Variants in FNDC3A observed in about 807,000 individuals in gnomAD.
FNDC3A encodes fibronectin type III domain containing 3A, also known as fibronectin type-III domain-containing protein 3A.
FNDC3A carries 32 observed loss-of-function variants against 148.9 expected under a neutral mutation model. The observed-to-expected ratio is 0.21, with a 90% CI of 0.16 to 0.29. FNDC3A has a LOEUF of 0.29. Among genes scored for constraint, FNDC3A ranks in the 10% least tolerant of loss-of-function variants. The pLI, the probability that FNDC3A is intolerant of heterozygous loss-of-function variation, is 1.00. For missense variants in FNDC3A, 1,191 were observed against 1,452.8 expected (o/e 0.82, Z 2.93); for synonymous variants, 472 against 473.6 (o/e 1.00, Z 0.04).
Position 49,145,934 on chromosome 13 carries a change from G to C in FNDC3A, c.976G>C (p.Val326Leu). 3.1e-6 allele frequency: 5 copies of C among 1,604,006 alleles called. No individual in the cohort carries two copies. Among genetic ancestry groups the C allele is most frequent in the Non-Finnish European group, 4.3e-6 (5 of 1,175,618 alleles). Residue 326 changes from valine to leucine, a missense_variant and splice_region_variant, in exon 8 of 26, where the codon GTA becomes CTA. Coordinates refer to ENST00000492622, the MANE Select transcript of FNDC3A (RefSeq NM_001079673.2). ...AGATGGGAAATACAAAAGTGTATATGTGTAGGTATTTGTTGTTTTGCTTTC... is the reference window on the plus strand; with the variant it reads ...AGATGGGAAATACAAAAGTGTATATCTGTAGGTATTTGTTGTTTTGCTTTC... ...GKDGKYKSVY[V>L]GEETNITLND...
intron 23 of FNDC3A, among the ~76,000 whole-genome samples, chr13:49,199,174 C>A (rs1886302962): frequency 6.6e-6 from 1 of 152,066 alleles, no homozygotes; most frequent in Admixed American, 6.5e-5. Context: ...GCGTGGGCCA[C>A]TACACCTGGC....
intron 2 of FNDC3A, among the ~76,000 whole-genome samples, chr13:49,070,214 C>T (rs1454676648): frequency 1.3e-5 from 2 of 152,004 alleles, no homozygotes; most frequent in African/African-American, 2.4e-5. Context: ...TCACTGCAAC[C>T]TCCGCCTCCT....
chr13:49,138,706 A>C, intron 6 of FNDC3A, 41 bp from the exon 7 acceptor site: 2 of 994,806 alleles, frequency 2.0e-6, no homozygotes, highest in South Asian at 3.3e-5. Flanking sequence ...ATTGTATCTA[A>C]GTTCTTTTTT....
chr13:49,164,602 A>C (rs904639638), intron 8 of FNDC3A, among the ~76,000 whole-genome samples: 4 of 150,616 alleles, frequency 2.7e-5, no homozygotes, highest in South Asian at 2.1e-4. Context: ...ATTCATTTTT[A>C]TTCTTCTTCT....
At chr13:49,173,094 C>T (rs928594437) in intron 11 of FNDC3A, among the ~76,000 whole-genome samples, 8 of 152,314 alleles carry the variant, frequency 5.3e-5, no homozygotes, top group Admixed American at 4.6e-4. Context: ...CAAAGCTGTC[C>T]TGGGCCGCAT....
At chr13:49,122,617 A>G (rs1446527226) in intron 4 of FNDC3A, among the ~76,000 whole-genome samples, 1 of 152,188 alleles carries the variant, frequency 6.6e-6, no homozygotes. Context: ...TCAGCCCAAA[A>G]TCTCCTTAAG....
chr13:49,197,141 T>C, intron 20 of FNDC3A, 151 bp downstream of exon 20: 1 of 483,386 alleles, frequency 2.1e-6, no homozygotes, highest in Non-Finnish European at 3.6e-6. Context: ...TTCTTTTTCC[T>C]CTTTGAAGAA....
intron 3 of FNDC3A, among the ~76,000 whole-genome samples, chr13:49,080,087 G>A (rs1363983972): frequency 6.6e-6 from 1 of 152,168 alleles, no homozygotes; most frequent in African/African-American, 2.4e-5. Context: ...ATGGACAATT[G>A]TACCTGGCCC....
At chr13:49,076,871 C>T (rs1472117793) in intron 3 of FNDC3A, among the ~76,000 whole-genome samples, 1 of 152,148 alleles carries the variant, frequency 6.6e-6, no homozygotes, top group African/African-American at 2.4e-5. Context: ...TCAGTCTCCC[C>T]AGCTAAAGTC....
At chr13:49,016,962 A>G (rs1001206275) in intron 2 of FNDC3A, among the ~76,000 whole-genome samples, 11 of 151,412 alleles carry the variant, frequency 7.3e-5, no homozygotes, top group Non-Finnish European at 1.5e-4. Flanking sequence ...CTGTGGTCTG[A>G]GAGATAGTTT....
At chr13:49,012,201 C>T (rs944435429) in intron 2 of FNDC3A, among the ~76,000 whole-genome samples, 4 of 151,944 alleles carry the variant, frequency 2.6e-5, no homozygotes, top group Admixed American at 6.6e-5. Context: ...CTGCAAGCTC[C>T]GCCATGGGTT....
At chr13:49,108,193 A>G (rs1471133651) in intron 3 of FNDC3A, among the ~76,000 whole-genome samples, 1 of 152,208 alleles carries the variant, frequency 6.6e-6, no homozygotes, top group Admixed American at 6.5e-5. Context: ...AGGAATTTTA[A>G]GCCTAGATTT....
At chr13:49,179,806 G>A (rs969962965) in intron 14 of FNDC3A, among the ~76,000 whole-genome samples, 11 of 152,096 alleles carry the variant, frequency 7.2e-5, no homozygotes, top group Admixed American at 2.0e-4. Context: ...AAGATTTCTA[G>A]TCTCATCTTA....
chr13:49,138,250 T>A (rs1201689119), intron 6 of FNDC3A, among the ~76,000 whole-genome samples: 1 of 152,180 alleles, frequency 6.6e-6, no homozygotes, highest in African/African-American at 2.4e-5. Flanking sequence ...GATCATCGTT[T>A]TCAGCACTGA....
chr13:49,134,164 AAC>A (rs1882193065), intron 5 of FNDC3A, among the ~76,000 whole-genome samples: 1 of 152,236 alleles, frequency 6.6e-6, no homozygotes, highest in Non-Finnish European at 1.5e-5. Flanking sequence ...TGTGCATATT[AAC>A]AGTCAGTCCC....
chr13:49,003,224 C>G (rs954282627), intron 1 of FNDC3A, among the ~76,000 whole-genome samples: 9 of 152,134 alleles, frequency 5.9e-5, no homozygotes, highest in Admixed American at 3.3e-4. Flanking sequence ...TGCCACCACA[C>G]TCAGTTAATT....
chr13:49,191,031 T>A lies in FNDC3A; in HGVS notation c.1961T>A (p.Leu654His), dbSNP rs986390709. The A allele has an allele frequency of 6.2e-7, 1 of 1,612,012 alleles. No homozygotes were observed. The highest frequency in any genetic ancestry group is 8.5e-7 in the Non-Finnish European group (1 of 1,179,492). ...GGQSAVSESLLVQTPAVPPGP... is the reference protein window; with the variant it reads ...GGQSAVSESLHVQTPAVPPGP... ...TTTTGGCAGGTCTCTGAATCTTTAC[T>A]TGTGCAGACTCCAGCTGTGCCTCCT... is the stretch of plus-strand genomic sequence containing the variant. The change falls in exon 18 of 26, where the codon CTT becomes CAT. Residue 654 changes from leucine (L) to histidine (H), a missense_variant. By Grantham distance (99) the Leu-to-His change is moderately conservative. This residue lies in a region of FNDC3A where 751 missense variants were observed against 944.0 expected (regional missense o/e 0.80). Transcript: ENST00000492622.
chr13:48,985,305 T>C (rs1203059130), intron 1 of FNDC3A, among the ~76,000 whole-genome samples: 1 of 152,244 alleles, frequency 6.6e-6, no homozygotes, highest in Non-Finnish European at 1.5e-5. Flanking sequence ...TTGAACCGAA[T>C]ATAAATAGCT....
intron 3 of FNDC3A, among the ~76,000 whole-genome samples, chr13:49,085,469 C>T (rs2137804673): frequency 6.6e-6 from 1 of 152,270 alleles, no homozygotes; most frequent in East Asian, 1.9e-4. Flanking sequence ...TCCTAGTAAC[C>T]TGCTCTGATA....
Sources: allele counts gnomAD v4.1 joint callset (sites outside exome capture counted in the v4.1 genomes callset), GRCh38; gene constraint gnomAD v4.1.1; regional missense constraint gnomAD v4.1.1; transcripts MANE v1.5; gene names NCBI Gene and HGNC (gene_info 2026-07-23, HGNC 2026-07-21).